COL18A1: variants seen among roughly 807,000 people sequenced by gnomAD.
COL18A1 encodes collagen type XVIII alpha 1 chain.
A neutral mutation model predicts 168.0 loss-of-function variants in COL18A1; 133 were observed. The observed-to-expected ratio is 0.79, with a 90% CI of 0.69 to 0.91. COL18A1 has a LOEUF of 0.91. Ranked by LOEUF, COL18A1 falls within the 40% of genes least tolerant of loss-of-function variation. The pLI is 0.00. For missense variants in COL18A1, 2,126 were observed against 1,925.4 expected (o/e 1.10, Z -1.95); for synonymous variants, 949 against 809.0 (o/e 1.17, Z -2.94).
At position 45,510,975 on chromosome 21, in the gene COL18A1, AC is replaced by A. The variant is rs2037553907; in HGVS notation, c.3694-130del. ...CAACACCCCACATACACCCCCAAAC[AC>A]CCCCCACACCCCACACACACAACAC... On this transcript the variant is annotated intron_variant, in intron 40 of 41. Coordinates refer to ENST00000651438, the MANE Select transcript of COL18A1 (RefSeq NM_001379500.1). 6.3e-4 allele frequency: 22 copies of A among 34,774 alleles called. 1 individual carries two copies. The highest frequency in any genetic ancestry group is 2.3e-3 in the African/African-American group (4 of 1,716). 2.2% of individuals were successfully genotyped at this position (34,774 alleles called of 1,614,324 possible).
intron 37 of COL18A1, chr21:45,507,310 A>G (rs2037270915): frequency 1.8e-6 from 1 of 547,772 alleles, no homozygotes; most frequent in East Asian, 3.2e-5. Context: ...CAGGGAGGGC[A>G]CCCTCCTGTG....
intron 2 of COL18A1, among the ~76,000 whole-genome samples, chr21:45,447,381 A>G (rs935884425): frequency 2.0e-5 from 3 of 152,180 alleles, no homozygotes; most frequent in African/African-American, 4.8e-5. Flanking sequence ...AAATCAGTAT[A>G]GAAAAATCTA....
rs377285198 is a variant in COL18A1 at position 45,493,146 on chromosome 21, C to T, written c.2215-17C>T. On this transcript the variant is annotated splice_polypyrimidine_tract_variant and intron_variant, in intron 24 of 41. Transcript: ENST00000651438. ...GATGCCAGCCGCTCGGGCCTCACGG[C>T]CTGGCCTCCATTCCAGGGACCTGCA... The T allele has an allele frequency of 7.3e-5, 113 of 1,552,770 alleles. No homozygotes were observed. The highest frequency in any genetic ancestry group is 9.6e-5 in the Non-Finnish European group (110 of 1,148,356).
intron 2 of COL18A1, among the ~76,000 whole-genome samples, chr21:45,435,027 G>A (rs1189003180): frequency 2.0e-5 from 3 of 152,080 alleles, no homozygotes; most frequent in Non-Finnish European, 4.4e-5. Flanking sequence ...TGCTCAGTGG[G>A]ATTTGTCCCT....
chr21:45,450,794 G>A (rs2034603635), intron 2 of COL18A1, among the ~76,000 whole-genome samples: 1 of 152,192 alleles, frequency 6.6e-6, no homozygotes, highest in African/African-American at 2.4e-5. Context: ...CCGCATCTCA[G>A]GCCTCCCTCC....
chr21:45,484,053 T>C lies in COL18A1; in HGVS notation c.1701+1232T>C, dbSNP rs1465930954. Among the ~76,000 whole-genome samples the C allele has an allele frequency of 2.3e-5, 2 of 88,730 alleles. 1 individual carries two copies. Among genetic ancestry groups the C allele is most frequent in the Non-Finnish European group, 4.1e-5 (2 of 49,038 alleles). 58.2% of individuals were successfully genotyped at this position (88,730 alleles called of 152,430 possible). ...CACACACACACCTCTCCAGCATATG[T>C]ACACACACACACACTTCTCCAGCAT... On this transcript the variant is annotated intron_variant, in intron 15 of 41. Transcript: ENST00000651438.
chr21:45,416,817 G>A (rs1569275836), intron 2 of COL18A1, among the ~76,000 whole-genome samples: 2 of 151,546 alleles, frequency 1.3e-5, no homozygotes, highest in South Asian at 2.1e-4. Context: ...CCCAGCGCCT[G>A]CCCCTGACAA....
intron 2 of COL18A1, among the ~76,000 whole-genome samples, chr21:45,444,829 C>T (rs1386233571): frequency 6.6e-6 from 1 of 152,088 alleles, no homozygotes; most frequent in East Asian, 1.9e-4. Context: ...AGTTTGAAAG[C>T]ACAGGAATTT....
Position 45,486,886 on chromosome 21 carries a change from C to G in COL18A1, c.1727C>G (p.Ala576Gly), listed in dbSNP as rs1283679585. The change falls in exon 16 of 42, where the codon GCT becomes GGT. Residue 576 changes from alanine to glycine, a missense_variant. By Grantham distance (60) the Ala-to-Gly change is moderately conservative. Transcript: ENST00000651438. ...HKGSKGAPGP[A>G]GARGESGLAG... The stretch of plus-strand genomic sequence containing the variant: ...GGGAGCAAGGGAGCCCCCGGTCCTG[C>G]TGGTGCTCGTGGGGAGAGCGGCCTG... 2.0e-6 allele frequency: 3 copies of G among 1,528,334 alleles called. No individual in the cohort carries two copies. The East Asian group carries it at 7.4e-5, about 38-fold the overall frequency. The allele number at this position is 1,528,334 out of a possible 1,614,324, so 94.7% of individuals were successfully genotyped here. A position where few individuals can be genotyped will look rare whatever the true frequency, so the allele number is the denominator to read the frequency against.
rs1037389540 is a variant in COL18A1, at chr21:45,480,943, G to A, written c.1611+85G>A. The A allele has an allele frequency of 3.8e-5, 58 of 1,515,686 alleles. No individual in the cohort carries two copies. The Admixed American group carries it at 5.9e-4, about 15-fold the overall frequency. The allele number at this position is 1,515,686 out of a possible 1,614,324, so 93.9% of individuals were successfully genotyped here. On this transcript the variant is annotated intron_variant, in intron 13 of 41. Coordinates refer to ENST00000651438, the MANE Select transcript of COL18A1 (RefSeq NM_001379500.1). ...CACCCCACATGGGAGCCCCTGCCCC[G>A]CCTCAGGCCTCCCCAGTCCCCGCCT...
In COL18A1 at chr21:45,480,107, CCCAAGGGCCT is replaced by C; in HGVS notation, c.1353_1362del (p.Pro454GlnfsTer10). On this transcript the variant is annotated frameshift_variant, in exon 11 of 42. Transcript: ENST00000651438. LOFTEE classifies it high-confidence loss of function. ...GTTGGAGAGAGAGGGCCCCCAGGAC[CCCAAGGGCCT>C]CCAGGGCCCCCAGGACCCTCCTTCA... 6.2e-7 allele frequency: 1 copy of C among 1,607,608 alleles called. No individual in the cohort carries two copies. Among genetic ancestry groups the C allele is most frequent in the Non-Finnish European group, 8.5e-7 (1 of 1,174,492 alleles).
chr21:45,474,477 CTCTG>C (rs1026872515), intron 4 of COL18A1, among the ~76,000 whole-genome samples: 1 of 124,492 alleles, frequency 8.0e-6, no homozygotes, highest in Non-Finnish European at 1.6e-5. Flanking sequence ...TGTGGTGTGT[CTCTG>C]TGTGTGTGGT....
intron 20 of COL18A1, 22 bp downstream of exon 20, chr21:45,490,368 A>C (rs1177666155): frequency 1.3e-6 from 2 of 1,545,484 alleles, no homozygotes; most frequent in South Asian, 1.2e-5. Flanking sequence ...TGGTGGGCCC[A>C]GGGTGCAGGG....
intron 2 of COL18A1, among the ~76,000 whole-genome samples, chr21:45,430,178 T>A (rs1351240725): frequency 6.6e-6 from 1 of 150,542 alleles, no homozygotes; most frequent in Non-Finnish European, 1.5e-5. Context: ...TGAAGTGGGG[T>A]CATGGTTTGG....
intron 26 of COL18A1, 135 bp from the exon 27 acceptor site, chr21:45,494,410 A>T (rs1450584387): frequency 7.8e-7 from 1 of 1,277,566 alleles, no homozygotes; most frequent in East Asian, 2.4e-5. Flanking sequence ...AAGGGACCAC[A>T]GCGGCCCTTA....
chr21:45,494,349 T>A, intron 26 of COL18A1, 196 bp from the exon 27 acceptor site: 1 of 657,784 alleles, frequency 1.5e-6, no homozygotes, highest in African/African-American at 1.8e-5. Context: ...CACCAGTGGC[T>A]CCTGTCCTCC....
At position 45,455,723 on chromosome 21, in the gene COL18A1, A is replaced by AC. The variant is rs764004091; in HGVS notation, c.107-12513dup. 3.1e-6 allele frequency: 5 copies of AC among 1,613,490 alleles called. No homozygotes were observed. Among genetic ancestry groups the AC allele is most frequent in the Admixed American group, 3.3e-5 (2 of 59,978 alleles). On this transcript the variant is annotated intron_variant, in intron 2 of 41. Transcript: ENST00000651438. ...CACAGCAGATACCACCACACACGTGACCCCCCGGAATGGTTCCACAGAGCC... is the reference window on the plus strand; with the variant it reads ...CACAGCAGATACCACCACACACGTGACCCCCCCGGAATGGTTCCACAGAGCC...
chr21:45,505,002 G>A, intron 34 of COL18A1, 132 bp from the exon 35 acceptor site: 2 of 1,159,272 alleles, frequency 1.7e-6, no homozygotes, highest in South Asian at 1.3e-5. Flanking sequence ...CTATGGCGTG[G>A]GCAGGGAGGG....
At chr21:45,484,606 T>C (rs2036042931) in intron 15 of COL18A1, among the ~76,000 whole-genome samples, 1 of 149,786 alleles carries the variant, frequency 6.7e-6, no homozygotes. Flanking sequence ...ATGTATCTGG[T>C]GTATATGTGC....
Sources: gnomAD v4.1 joint callset for allele counts (sites outside exome capture counted in the v4.1 genomes callset) on GRCh38, gnomAD v4.1.1 for gene constraint, MANE v1.5 for transcripts, NCBI Gene and HGNC (gene_info 2026-07-23, HGNC 2026-07-21) for gene names.